MITF: variants seen among roughly 807,000 people sequenced by gnomAD.
MITF encodes microphthalmia-associated transcription factor.
MITF carries 17 observed loss-of-function variants against 60.5 expected under a neutral mutation model. That is an observed-to-expected ratio of 0.28 (90% confidence interval 0.19 to 0.42). MITF has a LOEUF of 0.42. Among genes scored for constraint, MITF ranks in the 10% least tolerant of loss-of-function variants. MITF has a pLI of 1.00. For missense variants in MITF, 622 were observed against 683.5 expected, an observed-to-expected ratio of 0.91 and a Z score of 1.00; for synonymous variants, 260 against 248.5, an observed-to-expected ratio of 1.05 and a Z score of -0.43.
At chr3:69,783,613 A>G (rs1559627243) in intron 1 of MITF, among the ~76,000 whole-genome samples, 1 of 152,014 alleles carries the variant, frequency 6.6e-6, no homozygotes, top group Non-Finnish European at 1.5e-5. Context: ...ACTCTAATCG[A>G]ATGATCTGCC....
chr3:69,852,917 A>G (rs908648784), intron 1 of MITF, among the ~76,000 whole-genome samples: 6 of 152,130 alleles, frequency 3.9e-5, no homozygotes, highest in African/African-American at 1.4e-4. Context: ...GCAAGAGAAC[A>G]CCCCAAGCAA....
chr3:69,870,150 A>T (rs1475251506), intron 1 of MITF, among the ~76,000 whole-genome samples: 2 of 141,050 alleles, frequency 1.4e-5, no homozygotes, highest in Admixed American at 7.1e-5. Context: ...TTGAATTAAT[A>T]AAAAAAACAG....
chr3:69,766,710 T>G lies in MITF; in HGVS notation c.104+27009T>G, dbSNP rs145041675. Among the ~76,000 whole-genome samples the G allele has an allele frequency of 3.0e-4, 46 of 152,252 alleles. No individual in the cohort carries two copies. The South Asian group carries it at 5.0e-3, about 16-fold the overall frequency. On this transcript the variant is annotated intron_variant, in intron 1 of 9. Coordinates refer to ENST00000352241, the MANE Select transcript of MITF (RefSeq NM_001354604.2). Reference sequence around the variant, plus strand: ...CGCTATATACAATGAAGGCTAAAGATGGGATCAGGGATAAGTATGTGGGAT... The same window carrying G: ...CGCTATATACAATGAAGGCTAAAGAGGGGATCAGGGATAAGTATGTGGGAT...
intron 1 of MITF, among the ~76,000 whole-genome samples, chr3:69,781,929 A>G (rs569913407): frequency 1.3e-5 from 2 of 152,374 alleles, no homozygotes; most frequent in South Asian, 4.1e-4. Flanking sequence ...AGGATCCAGA[A>G]TAGATTGCCT....
At chr3:69,948,963 T>A (rs1386021022) in intron 5 of MITF, 88 bp from the exon 6 acceptor site, 2 of 952,286 alleles carry the variant, frequency 2.1e-6, no homozygotes, top group African/African-American at 3.3e-5. Context: ...TTTTCTTAAA[T>A]AAATCCTAGA....
At chr3:69,964,209 C>T (rs1329399620) in intron 9 of MITF, among the ~76,000 whole-genome samples, 3 of 151,934 alleles carry the variant, frequency 2.0e-5, no homozygotes, top group Non-Finnish European at 4.4e-5. Context: ...AACTCCTGAC[C>T]TCAGGTGATC....
intron 1 of MITF, among the ~76,000 whole-genome samples, chr3:69,810,748 A>C (rs192035429): frequency 2.0e-5 from 3 of 152,188 alleles, no homozygotes; most frequent in African/African-American, 7.2e-5. Context: ...TTCATTTGAC[A>C]GATATTTACG....
At chr3:69,957,952 G>A (rs779434752) in intron 8 of MITF, among the ~76,000 whole-genome samples, 5 of 152,100 alleles carry the variant, frequency 3.3e-5, no homozygotes, top group African/African-American at 4.8e-5. Flanking sequence ...GTCTCAGCCC[G>A]GTACCTTTTC....
At position 69,740,164 on chromosome 3, in the gene MITF, G is replaced by A. The variant is rs992414408; in HGVS notation, c.104+463G>A. 4.6e-5 allele frequency among the ~76,000 whole-genome samples: 7 copies of A among 152,276 alleles called. No homozygotes were observed. The East Asian group carries it at 7.8e-4, about 17-fold the overall frequency. On this transcript the variant is annotated intron_variant, in intron 1 of 9. Transcript: ENST00000352241. ...GGGTGGACTGAGATGCGACATTGGA[G>A]GGAAGCAATTAGTTCGCTTGGAGTC... is the stretch of plus-strand genomic sequence containing the variant.
intron 1 of MITF, among the ~76,000 whole-genome samples, chr3:69,785,190 C>T (rs992399387): frequency 6.6e-6 from 1 of 152,084 alleles, no homozygotes. Flanking sequence ...CTTGAACATT[C>T]TTCATGAGGG....
intron 5 of MITF, among the ~76,000 whole-genome samples, chr3:69,942,834 G>T (rs1223149762): frequency 6.6e-6 from 1 of 152,038 alleles, no homozygotes; most frequent in East Asian, 1.9e-4. Context: ...TATACCCAAA[G>T]ACATGGGTAT....
intron 2 of MITF, among the ~76,000 whole-genome samples, chr3:69,899,215 A>G (rs1414917805): frequency 1.3e-5 from 2 of 152,172 alleles, no homozygotes; most frequent in African/African-American, 2.4e-5. Context: ...AGAAAAGCAG[A>G]TGCTGAGACC....
intron 1 of MITF, among the ~76,000 whole-genome samples, chr3:69,756,088 A>G (rs1704135840): frequency 6.6e-6 from 1 of 151,884 alleles, no homozygotes; most frequent in Non-Finnish European, 1.5e-5. Context: ...AACTCTAACC[A>G]CATAGTCAAT....
intron 2 of MITF, among the ~76,000 whole-genome samples, chr3:69,904,017 T>C (rs558507408): frequency 6.6e-6 from 1 of 152,290 alleles, no homozygotes; most frequent in Admixed American, 6.5e-5. Context: ...TCAACACATG[T>C]CAGTGGCTGG....
intron 1 of MITF, among the ~76,000 whole-genome samples, chr3:69,831,317 G>A (rs1021457009): frequency 6.6e-6 from 1 of 152,080 alleles, no homozygotes; most frequent in Non-Finnish European, 1.5e-5. Flanking sequence ...GAAAATCCTC[G>A]ACAGGGTTAA....
chr3:69,830,590 A>T (rs6795249), intron 1 of MITF, among the ~76,000 whole-genome samples: 50,636 of 152,010 alleles, frequency 0.33, 9,538 homozygotes, highest in Non-Finnish European at 0.43. Flanking sequence ...TTATCATTAG[A>T]ATTTCCCTCC....
In MITF at chr3:69,879,325, A is replaced by T. The variant is rs2107278136; in HGVS notation, c.296A>T (p.Asn99Ile). The part of the protein sequence containing the change: ...RVPVSQTPAI[N>I]VSVPTTLPSA... ...CCCGTGAGTCAGACACCAGCCATAA[A>T]CGTCAGTGTGCCCACCACCCTTCCC... Residue 99 changes from asparagine to isoleucine, a missense_variant, in exon 2 of 10, where the codon AAC (asparagine) becomes ATC (isoleucine). Physicochemically the swap from Asn to Ile is moderately radical, Grantham distance 149 (BLOSUM62 -3). Transcript: ENST00000352241. 1 of 1,614,204 alleles carries T rather than the reference A, an allele frequency of 6.2e-7. No individual in the cohort carries two copies. The highest frequency in any genetic ancestry group is 1.1e-5 in the South Asian group (1 of 91,088).
chr3:69,893,720 C>A (rs2064811037), intron 2 of MITF, among the ~76,000 whole-genome samples: 1 of 152,134 alleles, frequency 6.6e-6, no homozygotes, highest in East Asian at 1.9e-4. Flanking sequence ...TGTAAAGATT[C>A]TTTTAATCAA....
chr3:69,796,403 TGAGGAATTTCC>T (rs1463907329), intron 1 of MITF, among the ~76,000 whole-genome samples: 5 of 152,076 alleles, frequency 3.3e-5, no homozygotes, highest in Non-Finnish European at 7.4e-5. Context: ...TTAGTGCCTA[TGAGGAATTTCC>T]TAAATACTTT....
Sources: gnomAD v4.1 joint callset for allele counts (sites outside exome capture counted in the v4.1 genomes callset) on GRCh38, gnomAD v4.1.1 for gene constraint, MANE v1.5 for transcripts, NCBI Gene and HGNC (gene_info 2026-07-23, HGNC 2026-07-21) for gene names.